FAM184A: variants seen among roughly 807,000 people sequenced by gnomAD.
FAM184A encodes the protein family with sequence similarity 184 member A, also known as protein FAM184A.
A neutral mutation model predicts 143.8 loss-of-function variants in FAM184A; 99 were observed. The ratio of observed to expected loss-of-function variants is 0.69; its 90% CI spans 0.58 to 0.81. The LOEUF (loss-of-function observed/expected upper bound fraction) is 0.81. Ranked by LOEUF, FAM184A falls within the 40% of genes least tolerant of loss-of-function variation. The pLI is 0.00. For synonymous variants in FAM184A, 427 were observed against 446.4 expected, an observed-to-expected ratio of 0.96 and a Z score of 0.55; for missense variants, 1,217 against 1,310.5, an observed-to-expected ratio of 0.93 and a Z score of 1.10.
At chr6:119,009,185 G>T (rs187118065) in intron 6 of FAM184A, among the ~76,000 whole-genome samples, 26 of 152,272 alleles carry the variant, frequency 1.7e-4, no homozygotes, top group African/African-American at 6.0e-4. Context: ...AACAAAGTCT[G>T]GGACTCAGTA....
chr6:119,003,413 G>A, intron 8 of FAM184A, 88 bp downstream of exon 8: 1 of 1,261,598 alleles, frequency 7.9e-7, no homozygotes, highest in Non-Finnish European at 1.1e-6. Context: ...CTGCTACTAT[G>A]TCTTTAACAA....
chr6:119,025,352 T>C lies in FAM184A; in HGVS notation c.160-539A>G. 4 of 451,182 alleles carry C rather than the reference T, an allele frequency of 8.9e-6. No individual in the cohort carries two copies. The East Asian group carries it at 1.7e-4, about 19-fold the overall frequency. 27.9% of individuals were successfully genotyped at this position (451,182 alleles called of 1,614,324 possible). ...AAATTTTAAACTTTCCTTTCCCAAT[T>C]CCCCTATAGTTTGCTTCTAAAGCTG... On this transcript the variant is annotated intron_variant, in intron 1 of 17. Transcript: ENST00000338891.
intron 9 of FAM184A, among the ~76,000 whole-genome samples, chr6:118,994,271 A>G (rs893647846): frequency 3.3e-5 from 5 of 152,196 alleles, no homozygotes; most frequent in Non-Finnish European, 5.9e-5. Flanking sequence ...ATAAATGGAT[A>G]AATGCATGAA....
chr6:118,974,292 T>C (rs1258538275), intron 14 of FAM184A, 136 bp downstream of exon 14: 2 of 686,434 alleles, frequency 2.9e-6, no homozygotes, highest in African/African-American at 1.8e-5. Context: ...GCAATTACCA[T>C]CTGTAACACA....
chr6:119,004,177 G>C (rs1397110709), intron 7 of FAM184A, among the ~76,000 whole-genome samples: 1 of 152,230 alleles, frequency 6.6e-6, no homozygotes. Context: ...AGATTAGCAT[G>C]AATCAAGTGG....
At chr6:119,086,969 G>A (rs1028216634) in intron 1 of FAM184A, among the ~76,000 whole-genome samples, 3 of 150,892 alleles carry the variant, frequency 2.0e-5, no homozygotes, top group African/African-American at 4.8e-5. Flanking sequence ...TGAGGCTGAG[G>A]AACAGAGAGC....
Position 119,088,210 on chromosome 6 carries a change from A to G in FAM184A, c.-202+60868T>C, listed in dbSNP as rs561159208. Among the ~76,000 whole-genome samples the G allele has an allele frequency of 2.1e-3, 314 of 152,292 alleles. 2 individuals are homozygous for G. Among genetic ancestry groups the G allele is most frequent in the African/African-American group, 7.2e-3 (301 of 41,572 alleles). ...TGTGCATCTACTTAATGCACTAAAT[A>G]TACACTTAAAAATGGTTAAAATGCT... On this transcript the variant is annotated intron_variant, in intron 1 of 16. Coordinates refer to the FAM184A transcript ENST00000352896.
intron 14 of FAM184A, among the ~76,000 whole-genome samples, chr6:118,972,403 T>C (rs909809592): frequency 1.8e-4 from 27 of 152,238 alleles, no homozygotes; most frequent in African/African-American, 6.3e-4. Context: ...GTTGGTCAAA[T>C]ATAAATTTGG....
At chr6:119,085,239 T>C (rs1423148071) in intron 1 of FAM184A, among the ~76,000 whole-genome samples, 1 of 152,214 alleles carries the variant, frequency 6.6e-6, no homozygotes, top group Non-Finnish European at 1.5e-5. Context: ...ATTTTTTTTC[T>C]CACACATATG....
chr6:118,972,216 T>C (rs1783717658), intron 14 of FAM184A, among the ~76,000 whole-genome samples: 1 of 152,198 alleles, frequency 6.6e-6, no homozygotes, highest in African/African-American at 2.4e-5. Flanking sequence ...TTGTAGCCAT[T>C]AGTCTGCATA....
At chr6:118,966,648 C>A (rs1783510913) in intron 15 of FAM184A, among the ~76,000 whole-genome samples, 187 bp downstream of exon 15, 1 of 152,176 alleles carries the variant, frequency 6.6e-6, no homozygotes, top group Non-Finnish European at 1.5e-5. Flanking sequence ...AATTCCCTTA[C>A]CCTAATGCCA....
At chr6:118,995,215 G>A (rs542322305) in intron 9 of FAM184A, among the ~76,000 whole-genome samples, 10 of 152,164 alleles carry the variant, frequency 6.6e-5, no homozygotes, top group South Asian at 4.2e-4. Context: ...CCAGGAGTTC[G>A]AGACCAGCCT....
At chr6:118,991,376 G>C (rs1397164799) in intron 9 of FAM184A, among the ~76,000 whole-genome samples, 1 of 151,956 alleles carries the variant, frequency 6.6e-6, no homozygotes, top group Admixed American at 6.5e-5. Context: ...GGCCAGGCTG[G>C]TCACGAACTC....
At chr6:119,040,259 G>C (rs920050139) in intron 1 of FAM184A, among the ~76,000 whole-genome samples, 2 of 152,140 alleles carry the variant, frequency 1.3e-5, no homozygotes, top group African/African-American at 4.8e-5. Flanking sequence ...ATTTGCCGCC[G>C]GTAACTCGGG....
rs1783977517 is a variant in FAM184A, at chr6:118,980,135, T to TA, written c.2301+2dup. The TA allele has an allele frequency of 1.9e-6, 3 of 1,611,762 alleles. No individual in the cohort carries two copies. The Admixed American group carries it at 5.0e-5, about 27-fold the overall frequency. ...ATTTGAACGTATGTCACATAAAACT[T>TA]ACTCTTTGCTCCTTTTCCTTTTCCT... On this transcript the variant is annotated splice_region_variant and intron_variant, in intron 10 of 17. Transcript: ENST00000338891.
chr6:119,100,329 C>G (rs1293505877), intron 1 of FAM184A, among the ~76,000 whole-genome samples: 1 of 152,148 alleles, frequency 6.6e-6, no homozygotes, highest in Non-Finnish European at 1.5e-5. Flanking sequence ...TTGGGGCTCA[C>G]TATCACTATG....
At chr6:118,964,480 TGAG>T (rs1237876328) in intron 16 of FAM184A, among the ~76,000 whole-genome samples, 184 bp downstream of exon 16, 1 of 152,216 alleles carries the variant, frequency 6.6e-6, no homozygotes, top group East Asian at 1.9e-4. Flanking sequence ...TAAAGGAATA[TGAG>T]TAGTATTCAG....
chr6:119,104,082 G>A (rs1012777789), intron 1 of FAM184A, among the ~76,000 whole-genome samples: 2 of 151,754 alleles, frequency 1.3e-5, no homozygotes, highest in Non-Finnish European at 2.9e-5. Context: ...TATTGCCCAG[G>A]CTGGAGTGCA....
intron 1 of FAM184A, among the ~76,000 whole-genome samples, chr6:119,119,982 C>A (rs2114859786): frequency 6.6e-6 from 1 of 152,124 alleles, no homozygotes; most frequent in East Asian, 1.9e-4. Flanking sequence ...AGACCCTGCC[C>A]CAAATGATAA....
Sources: gnomAD v4.1 joint callset for allele counts (sites outside exome capture counted in the v4.1 genomes callset) on GRCh38, gnomAD v4.1.1 for gene constraint, MANE v1.5 for transcripts, NCBI Gene and HGNC (gene_info 2026-07-23, HGNC 2026-07-21) for gene names.